The following GBP6 variants were observed in gnomAD, a reference collection of about 807,000 sequenced individuals.
The protein encoded by GBP6 is guanylate binding protein family member 6.
GBP6 carries 54 observed loss-of-function variants against 61.5 expected under a neutral mutation model. The ratio of observed to expected loss-of-function variants is 0.88; its 90% CI spans 0.71 to 1.10. The LOEUF is 1.10. GBP6 is among the 50% of genes least tolerant of loss of function. The pLI is 0.00. For synonymous variants in GBP6, 255 were observed against 273.7 expected (o/e 0.93, Z 0.67); for missense variants, 748 against 752.8 (o/e 0.99, Z 0.07).
rs117142190 is a variant in GBP6, at chr1:89,386,949, T to A, written c.*1480T>A. Among the ~76,000 whole-genome samples, 1 of 152,312 alleles carries A rather than the reference T, an allele frequency of 6.6e-6. No individual in the cohort carries two copies. The highest frequency in any genetic ancestry group is 1.9e-4 in the East Asian group (1 of 5,180). ...GACTGCAAGGCCTGATGGAGATAATTCTGAAGATGGTCAATACAATGGACC... is the reference window on the plus strand; with the variant it reads ...GACTGCAAGGCCTGATGGAGATAATACTGAAGATGGTCAATACAATGGACC... On this transcript the variant is annotated 3_prime_UTR_variant, in exon 11 of 11. Transcript: ENST00000370456.
chr1:89,373,754 T>G (rs921132251), intron 3 of GBP6, among the ~76,000 whole-genome samples: 1 of 152,096 alleles, frequency 6.6e-6, no homozygotes, highest in Admixed American at 6.5e-5. Flanking sequence ...ACATGGCACA[T>G]GTATACATAT....
chr1:89,374,925 C>A (rs1370055824), intron 3 of GBP6, among the ~76,000 whole-genome samples: 1 of 152,026 alleles, frequency 6.6e-6, no homozygotes, highest in East Asian at 1.9e-4. Flanking sequence ...TCTTCCCCTC[C>A]CACACCCTCC....
intron 7 of GBP6, among the ~76,000 whole-genome samples, chr1:89,382,231 A>G (rs1391379173): frequency 6.6e-6 from 1 of 152,222 alleles, no homozygotes; most frequent in Non-Finnish European, 1.5e-5. Context: ...CTGAACACGC[A>G]CAAGTCATCC....
intron 1 of GBP6, among the ~76,000 whole-genome samples, chr1:89,368,150 T>C (rs1485929872): frequency 2.0e-5 from 3 of 152,332 alleles, no homozygotes; most frequent in African/African-American, 7.2e-5. Flanking sequence ...GCATTCATCC[T>C]TTGTAAGACT....
At chr1:89,377,503 T>C (rs1330087794) in intron 3 of GBP6, among the ~76,000 whole-genome samples, 3 of 152,214 alleles carry the variant, frequency 2.0e-5, no homozygotes, top group Admixed American at 6.5e-5. Flanking sequence ...ATTTTTAATT[T>C]AACATTATAG....
Position 89,382,818 on chromosome 1 carries a change from T to A in GBP6, c.1307T>A (p.Met436Lys), listed in dbSNP as rs149161305. Residue 436 changes from methionine (M) to lysine (K), a missense_variant, in exon 8 of 11, where the codon ATG becomes AAG. Transcript: ENST00000370456. ...GTTCCTGGAGGGCACAAGCTCTACA[T>A]GGAAACAAAGGAAAGGATTGAACAG... ...FSVPGGHKLY[M>K]ETKERIEQDY... 6.2e-6 allele frequency: 10 copies of A among 1,613,930 alleles called. No homozygotes were observed. Among genetic ancestry groups the A allele is most frequent in the Non-Finnish European group, 8.5e-6 (10 of 1,179,958 alleles).
intron 3 of GBP6, 142 bp downstream of exon 3, chr1:89,369,815 ACAAGGTTAGATAT>A (rs1209717778): frequency 4.0e-5 from 38 of 953,290 alleles, no homozygotes; most frequent in Non-Finnish European, 5.6e-5. Flanking sequence ...ACACTTCTAG[ACAAGGTTAGATAT>A]CATGGTATAT....
chr1:89,384,936 A>C (rs1445844358), intron 10 of GBP6, among the ~76,000 whole-genome samples: 1 of 152,218 alleles, frequency 6.6e-6, no homozygotes, highest in Non-Finnish European at 1.5e-5. Context: ...GGGACTGAGA[A>C]TTTATGCAAT....
At chr1:89,383,800 ATGCCC>A in intron 9 of GBP6, 46 bp downstream of exon 9, 1 of 1,345,020 alleles carries the variant, frequency 7.4e-7, no homozygotes, top group Non-Finnish European at 1.0e-6. Context: ...CGTTTATACA[ATGCCC>A]TCTAACAGAT....
At chr1:89,382,345 T>A (rs1482601305) in intron 7 of GBP6, among the ~76,000 whole-genome samples, 1 of 152,216 alleles carries the variant, frequency 6.6e-6, no homozygotes, top group East Asian at 1.9e-4. Context: ...CATTGCTCCT[T>A]CTTGTATCCT....
At chr1:89,375,869 T>A (rs1206388155) in intron 3 of GBP6, among the ~76,000 whole-genome samples, 1 of 152,174 alleles carries the variant, frequency 6.6e-6, no homozygotes, top group Non-Finnish European at 1.5e-5. Flanking sequence ...ATTCTTCTGG[T>A]ATTTTTACGG....
chr1:89,381,915 G>T lies in GBP6; in HGVS notation c.1093G>T (p.Ala365Ser), dbSNP rs142548289. 23 of 1,614,020 alleles carry T rather than the reference G, an allele frequency of 1.4e-5. No homozygotes were observed. The African/African-American group carries it at 3.1e-4, about 22-fold the overall frequency. The stretch of plus-strand genomic sequence containing the variant: ...TGCGGCCTGTGAGAGGGAAGCCATT[G>T]CAATCTTCATGGAGCACTCCTTCAA... ...MHAACEREAI[A>S]IFMEHSFKDE... is the part of the protein sequence containing the mutation. The change falls in exon 7 of 11, where the codon GCA becomes TCA. Residue 365 changes from alanine (A) to serine (S), a missense_variant. Physicochemically the swap from Ala to Ser is moderately conservative, Grantham distance 99 (BLOSUM62 1). Transcript: ENST00000370456.
rs1014091920 is a variant in GBP6 at position 89,382,868 on chromosome 1, G to T, written c.1357G>T (p.Gly453Ter). Residue 453 changes from glycine to a stop codon, truncating the protein, a stop_gained, in exon 8 of 11, where the codon GGA becomes TGA. Coordinates refer to ENST00000370456, the MANE Select transcript of GBP6 (RefSeq NM_198460.3). LOFTEE classifies it high-confidence loss of function. ...GGACTATTGGCAAGTTCCCAGGAAA[G>T]GAGTAAAGGTAAGGAATAAGGGGAG... The part of the protein sequence containing the change: ...EQDYWQVPRK[G>*]VKAKEVFQRF... The T allele has an allele frequency of 1.2e-6, 2 of 1,611,560 alleles. No homozygotes were observed. Among genetic ancestry groups the T allele is most frequent in the African/African-American group, 2.7e-5 (2 of 74,854 alleles).
Position 89,385,424 on chromosome 1 carries a change from C to G in GBP6, c.1857C>G (p.Val619=), listed in dbSNP as rs780334404. ...CTGCTAAATTAATTGGTCATGGTGT[C>G]AAAGGTGTGAGCTCACTCTTTAAAA... ...SAPAKLIGHG[V]KGVSSLFKKH... Residue 619 remains valine, a synonymous_variant, in exon 11 of 11, where the codon GTC becomes GTG. Coordinates refer to ENST00000370456, the MANE Select transcript of GBP6 (RefSeq NM_198460.3). The G allele has an allele frequency of 8.7e-6, 14 of 1,614,000 alleles. No homozygotes were observed. In the South Asian group the frequency reaches 1.3e-4, roughly 15 times the overall value.
chr1:89,382,718 G>T lies in GBP6; in HGVS notation c.1207G>T (p.Val403Phe). Residue 403 changes from valine (V) to phenylalanine (F), a missense_variant, in exon 8 of 11, where the codon GTT becomes TTT. Physicochemically the swap from Val to Phe is conservative, Grantham distance 50. Transcript: ENST00000370456. ...DFLLQNEESSVQYCQAKLNEL... is the reference protein window; with the variant it reads ...DFLLQNEESSFQYCQAKLNEL... ...CTTGCTGCAGAATGAAGAGTCATCTGTTCAATACTGCCAGGCTAAACTCAA... is the reference window on the plus strand; with the variant it reads ...CTTGCTGCAGAATGAAGAGTCATCTTTTCAATACTGCCAGGCTAAACTCAA... 1 of 1,607,054 alleles carries T rather than the reference G, an allele frequency of 6.2e-7. No homozygotes were observed. The highest frequency in any genetic ancestry group is 8.5e-7 in the Non-Finnish European group (1 of 1,173,688).
chr1:89,381,216 C>T (rs1297768588), intron 6 of GBP6, among the ~76,000 whole-genome samples: 2 of 122,998 alleles, frequency 1.6e-5, no homozygotes, highest in African/African-American at 3.2e-5. Context: ...GTCTGGGAGG[C>T]GGAGGTTGTA....
At chr1:89,379,792 C>T (rs192839854) in intron 5 of GBP6, among the ~76,000 whole-genome samples, 28 of 152,316 alleles carry the variant, frequency 1.8e-4, no homozygotes, top group African/African-American at 6.5e-4. Context: ...GCAATACTGT[C>T]AAATCGAATA....
chr1:89,372,932 A>G (rs1457006358), intron 3 of GBP6, among the ~76,000 whole-genome samples: 140 of 152,144 alleles, frequency 9.2e-4, no homozygotes, highest in African/African-American at 3.2e-3. Flanking sequence ...AAGGGCTAAT[A>G]TCCAGAATCT....
At chr1:89,375,843 A>G (rs1471242286) in intron 3 of GBP6, among the ~76,000 whole-genome samples, 2 of 152,014 alleles carry the variant, frequency 1.3e-5, no homozygotes, top group African/African-American at 4.8e-5. Flanking sequence ...ACCAATGTCA[A>G]GTTTTTTCCT....
Sources: allele counts gnomAD v4.1 joint callset (sites outside exome capture counted in the v4.1 genomes callset), GRCh38; gene constraint gnomAD v4.1.1; transcripts MANE v1.5; gene names NCBI Gene and HGNC (gene_info 2026-07-23, HGNC 2026-07-21).